Variants in WNT5B observed in about 807,000 individuals in gnomAD.
WNT5B encodes the protein Wnt family member 5B.
WNT5B carries 18 observed loss-of-function variants against 36.5 expected under a neutral mutation model. The ratio of observed to expected loss-of-function variants is 0.49; its 90% CI spans 0.34 to 0.73. WNT5B has a LOEUF of 0.73. Ranked by LOEUF, WNT5B falls within the 30% of genes least tolerant of loss-of-function variation. WNT5B has a pLI of 0.01. For synonymous variants in WNT5B, 213 were observed against 212.3 expected (o/e 1.00, Z -0.03); for missense variants, 424 against 508.4 (o/e 0.83, Z 1.60).
At chr12:1,620,600 G>A (rs1169243715) in intron 1 of WNT5B, among the ~76,000 whole-genome samples, 5 of 150,798 alleles carry the variant, frequency 3.3e-5, no homozygotes, top group Non-Finnish European at 7.4e-5. Context: ...GTGCAATGGC[G>A]CGACCTTGGC....
At chr12:1,645,662 T>A in intron 4 of WNT5B, 132 bp from the exon 5 acceptor site, 1 of 791,986 alleles carries the variant, frequency 1.3e-6, no homozygotes, top group Non-Finnish European at 2.0e-6. Context: ...GATCTTTGCA[T>A]GCATTTGAAA....
chr12:1,620,921 T>A (rs185749409), intron 1 of WNT5B, among the ~76,000 whole-genome samples: 81 of 18,182 alleles, frequency 4.5e-3, no homozygotes, highest in African/African-American at 0.014. Context: ...CAGGATAGTC[T>A]TGATCTCTTG....
Position 1,644,980 on chromosome 12 carries a change from G to A in WNT5B, c.622-814G>A, listed in dbSNP as rs1352623386. 1.3e-5 allele frequency: 2 copies of A among 152,288 alleles called. No individual in the cohort carries two copies. The highest frequency in any genetic ancestry group is 1.5e-5 in the Non-Finnish European group (1 of 68,122). 9.4% of individuals were successfully genotyped at this position (152,288 alleles called of 1,614,324 possible). The stretch of plus-strand genomic sequence containing the variant: ...CCAAGGGGGCGTCTGGGGGCTGCTC[G>A]GGAGGAAGACGGTGGTCTTGCTCAC... On this transcript the variant is annotated intron_variant, in intron 4 of 4. Coordinates refer to ENST00000397196, the MANE Select transcript of WNT5B (RefSeq NM_032642.3). The surrounding 1 kb of genome is among the most constrained non-coding windows in gnomAD (Gnocchi z 5.1).
chr12:1,636,365 A>G (rs1427463120), intron 3 of WNT5B, among the ~76,000 whole-genome samples: 1 of 151,008 alleles, frequency 6.6e-6, no homozygotes, highest in Non-Finnish European at 1.5e-5. Context: ...CTAGGCGACC[A>G]CTATTCTTTC....
At chr12:1,639,176 C>T (rs539012253) in intron 3 of WNT5B, among the ~76,000 whole-genome samples, 62 of 150,820 alleles carry the variant, frequency 4.1e-4, no homozygotes, top group Non-Finnish European at 7.2e-4. Context: ...CTCACTCTGT[C>T]GCCCAGGCTG....
At chr12:1,621,247 C>A (rs2094533471) in intron 1 of WNT5B, among the ~76,000 whole-genome samples, 1 of 151,906 alleles carries the variant, frequency 6.6e-6, no homozygotes, top group Non-Finnish European at 1.5e-5. Context: ...GGAGGAGTCA[C>A]AAAGGATACC....
At chr12:1,628,120 C>T (rs1218755560), upstream of WNT5B, among the ~76,000 whole-genome samples, 1 of 151,732 alleles carries the variant, frequency 6.6e-6, no homozygotes, top group Non-Finnish European at 1.5e-5. Flanking sequence ...CCCACAGCCT[C>T]CTAGTCACTA....
chr12:1,630,262 T>A lies in WNT5B; in HGVS notation c.-58+891T>A. On this transcript the variant is annotated intron_variant, in intron 1 of 4. Coordinates refer to ENST00000397196, the MANE Select transcript of WNT5B (RefSeq NM_032642.3). This position sits in a 1 kb window ranked among gnomAD's most constrained non-coding sequence, Gnocchi z 5.3. ...CCGGGGAGGCCGCTGGGGGCGCGGG[T>A]CACGCCCAGACGGGGGCCCCGGAGG... 2 of 982,774 alleles carry A rather than the reference T, an allele frequency of 2.0e-6. No homozygotes were observed. Among genetic ancestry groups the A allele is most frequent in the Non-Finnish European group, 2.4e-6 (2 of 827,744 alleles). 60.9% of individuals were successfully genotyped at this position (982,774 alleles called of 1,614,324 possible). A position where few individuals can be genotyped will look rare whatever the true frequency, so the allele number is the denominator to read the frequency against.
At chr12:1,638,268 A>G (rs78702100) in intron 3 of WNT5B, among the ~76,000 whole-genome samples, 1 of 152,166 alleles carries the variant, frequency 6.6e-6, no homozygotes, top group Admixed American at 6.6e-5. Context: ...ACAAACAAAC[A>G]AAAAAACACA....
intron 3 of WNT5B, among the ~76,000 whole-genome samples, chr12:1,638,477 C>T (rs891437578): frequency 1.3e-5 from 2 of 152,166 alleles, no homozygotes; most frequent in Non-Finnish European, 2.9e-5. Flanking sequence ...CTGGTTTTTC[C>T]GTGTTCTCAC....
In WNT5B at chr12:1,631,334, T is replaced by C; in HGVS notation, c.-21T>C. The C allele has an allele frequency of 6.2e-7, 1 of 1,613,860 alleles. No homozygotes were observed. Among genetic ancestry groups the C allele is most frequent in the Non-Finnish European group, 8.5e-7 (1 of 1,179,826 alleles). On this transcript the variant is annotated 5_prime_UTR_variant, in exon 2 of 5. Transcript: ENST00000397196. ...CTGGAAACTGTCAGTCCCAGGGCAC[T>C]GGGGAGGGCTGAGGCCGACCATGCC... is the stretch of plus-strand genomic sequence containing the variant.
At chr12:1,620,970 G>A (rs545948629) in intron 1 of WNT5B, among the ~76,000 whole-genome samples, 1 of 150,382 alleles carries the variant, frequency 6.6e-6, no homozygotes, top group Non-Finnish European at 1.5e-5. Flanking sequence ...CAAAGTGCTG[G>A]CATTACAGGT....
Position 1,639,867 on chromosome 12 carries a change from T to A in WNT5B, c.512T>A (p.Phe171Tyr), listed in dbSNP as rs951792194. ...CGDNVEYGYR[F>Y]AKEFVDARER... is the part of the protein sequence containing the mutation. ...GACAACGTGGAGTACGGCTACCGCT[T>A]CGCCAAGGAGTTTGTGGATGCCCGG... is the stretch of plus-strand genomic sequence containing the variant. Residue 171 changes from phenylalanine (F) to tyrosine (Y), a missense_variant, in exon 4 of 5, where the codon TTC becomes TAC. Physicochemically the swap from Phe to Tyr is conservative, Grantham distance 22. Coordinates refer to ENST00000397196, the MANE Select transcript of WNT5B (RefSeq NM_032642.3). 4.3e-6 allele frequency: 7 copies of A among 1,614,010 alleles called. No homozygotes were observed. The highest frequency in any genetic ancestry group is 5.9e-6 in the Non-Finnish European group (7 of 1,179,920).
At chr12:1,620,806 C>T (rs112473939) in intron 1 of WNT5B, among the ~76,000 whole-genome samples, 4 of 147,398 alleles carry the variant, frequency 2.7e-5, no homozygotes, top group Admixed American at 6.8e-5. Context: ...CGGGTTCAAG[C>T]GATTCTCCTG....
chr12:1,640,116 A>G, intron 4 of WNT5B, 140 bp downstream of exon 4: 2 of 998,826 alleles, frequency 2.0e-6, no homozygotes, highest in Non-Finnish European at 2.9e-6. Context: ...GCAAATTTAC[A>G]TGTCCACGTT....
chr12:1,624,247 G>A (rs1161475529), upstream of WNT5B, among the ~76,000 whole-genome samples: 8 of 151,974 alleles, frequency 5.3e-5, no homozygotes, highest in South Asian at 2.1e-4. Context: ...TTAGCCGGTC[G>A]TGGTGGCAGG....
chr12:1,639,282 C>A (rs558285989), intron 3 of WNT5B, among the ~76,000 whole-genome samples: 2 of 151,370 alleles, frequency 1.3e-5, no homozygotes, highest in African/African-American at 2.4e-5. Context: ...GGACTACAGG[C>A]GCCCGCCACC....
At position 1,633,936 on chromosome 12, in the gene WNT5B, T is replaced by C. The variant is rs897608074; in HGVS notation, c.328+1031T>C. Among the ~76,000 whole-genome samples, 2 of 152,144 alleles carry C rather than the reference T, an allele frequency of 1.3e-5. No individual in the cohort carries two copies. The highest frequency in any genetic ancestry group is 2.9e-5 in the Non-Finnish European group (2 of 68,022). On this transcript the variant is annotated intron_variant, in intron 3 of 4. Transcript: ENST00000397196. The surrounding 1 kb of genome is among the most constrained non-coding windows in gnomAD (Gnocchi z 4.8). The stretch of plus-strand genomic sequence containing the variant: ...TATTGAGAAGTAATGCCCAATGCAG[T>C]AGCTCACGCCTGTAATCCCAGCACC...
chr12:1,624,751 A>C (rs2094538803), upstream of WNT5B, among the ~76,000 whole-genome samples: 1 of 152,236 alleles, frequency 6.6e-6, no homozygotes, highest in Non-Finnish European at 1.5e-5. Flanking sequence ...AAAGTAGAAA[A>C]GGTAAGTTTG....
Sources: gnomAD v4.1 joint callset for allele counts (sites outside exome capture counted in the v4.1 genomes callset) on GRCh38, gnomAD v4.1.1 for gene constraint, Gnocchi (gnomAD v3.1) non-coding constraint, MANE v1.5 for transcripts, NCBI Gene and HGNC (gene_info 2026-07-23, HGNC 2026-07-21) for gene names.